AGBL1: variants seen among roughly 807,000 people sequenced by gnomAD.
The protein encoded by AGBL1 is cytosolic carboxypeptidase 4.
Under a neutral mutation model 118.9 loss-of-function variants are expected in AGBL1, and 130 were observed. That is an observed-to-expected ratio of 1.09 (90% CI 0.95 to 1.26). The LOEUF is 1.26. AGBL1 is among the 50% of genes most tolerant of loss of function. The probability of loss-of-function intolerance (pLI) is 0.00; values close to 1 mark genes in which losing one functional copy is unlikely to be tolerated. For synonymous variants in AGBL1, 555 were observed against 478.9 expected, an observed-to-expected ratio of 1.16 and a Z score of -2.08; for missense variants, 1,584 against 1,298.1, an observed-to-expected ratio of 1.22 and a Z score of -3.38.
chr15:86,461,724 G>T (rs1052287482), intron 18 of AGBL1, among the ~76,000 whole-genome samples: 1 of 152,090 alleles, frequency 6.6e-6, no homozygotes, highest in Non-Finnish European at 1.5e-5. Context: ...CATCAAATGT[G>T]CTTGCATTGA....
At chr15:86,895,872 T>G (rs2080118636) in intron 22 of AGBL1, among the ~76,000 whole-genome samples, 1 of 152,100 alleles carries the variant, frequency 6.6e-6, no homozygotes, top group Non-Finnish European at 1.5e-5. Flanking sequence ...TATTATGATG[T>G]ATTTACTTAT....
At chr15:86,584,335 T>C (rs1350631584) in intron 21 of AGBL1, among the ~76,000 whole-genome samples, 1 of 152,176 alleles carries the variant, frequency 6.6e-6, no homozygotes, top group Non-Finnish European at 1.5e-5. Context: ...ATTTAAATCT[T>C]TTAATCCGTC....
At chr15:86,723,099 T>A (rs1336526739) in intron 22 of AGBL1, among the ~76,000 whole-genome samples, 2 of 152,204 alleles carry the variant, frequency 1.3e-5, no homozygotes, top group Non-Finnish European at 2.9e-5. Flanking sequence ...AGTGTGGCAA[T>A]TCCTCAAGGA....
chr15:86,662,783 C>G (rs1289411393), intron 21 of AGBL1, among the ~76,000 whole-genome samples: 1 of 152,106 alleles, frequency 6.6e-6, no homozygotes, highest in Admixed American at 6.6e-5. Context: ...TTTGTATACC[C>G]CTGGACTTGA....
rs1555475581 is a variant in AGBL1 at position 86,380,277 on chromosome 15, C to CT, written c.2375-17076dup. On this transcript the variant is annotated intron_variant, in intron 17 of 22. Transcript: ENST00000614907. ...CCTCCCTTTCTTCCTTCCTTCCTTC[C>CT]TTTTTTTTTTTTTCTTTTTCTTTTT... Among the ~76,000 whole-genome samples, 331 of 82,468 alleles carry CT rather than the reference C, an allele frequency of 4.0e-3. 1 individual carries two copies. The highest frequency in any genetic ancestry group is 5.6e-3 in the Non-Finnish European group (256 of 45,594). 54.1% of individuals were successfully genotyped at this position (82,468 alleles called of 152,430 possible).
intron 18 of AGBL1, among the ~76,000 whole-genome samples, chr15:86,434,582 A>C (rs1031911152): frequency 6.6e-6 from 1 of 152,234 alleles, no homozygotes; most frequent in African/African-American, 2.4e-5. Flanking sequence ...GCTAATTAAC[A>C]TTCAAATTGA....
At chr15:86,366,931 G>A (rs550541580) in intron 17 of AGBL1, among the ~76,000 whole-genome samples, 4 of 152,298 alleles carry the variant, frequency 2.6e-5, no homozygotes, top group Admixed American at 6.5e-5. Context: ...CGACACCCGG[G>A]CTTGTGGACC....
chr15:86,261,526 C>T (rs922181944), intron 9 of AGBL1, among the ~76,000 whole-genome samples: 10 of 152,162 alleles, frequency 6.6e-5, no homozygotes, highest in African/African-American at 2.2e-4. Flanking sequence ...GAAATACAAA[C>T]ATTTATTTTC....
At position 86,104,137 on chromosome 15, in the gene AGBL1, A is replaced by G. The variant is rs147242169; in HGVS notation, c.51+24114A>G. On this transcript the variant is annotated intron_variant, in intron 1 of 22. Coordinates refer to ENST00000614907, the MANE Select transcript of AGBL1 (RefSeq NM_001386094.1). ...AGTGCTCAGGTGCCAATGGTGGTAA[A>G]TGGGGCAGGGTGAACCCAAGGCTCC... 2.8e-3 allele frequency among the ~76,000 whole-genome samples: 430 copies of G among 152,186 alleles called. 2 individuals carry two copies. The highest frequency in any genetic ancestry group is 0.01 in the African/African-American group (421 of 41,510).
intron 22 of AGBL1, among the ~76,000 whole-genome samples, chr15:86,731,672 A>T (rs569842793): frequency 1.5e-4 from 23 of 152,318 alleles, no homozygotes; most frequent in South Asian, 1.2e-3. Flanking sequence ...AGAAGCTATC[A>T]TTTTCACCTA....
chr15:86,497,458 A>G (rs547501258), intron 18 of AGBL1, among the ~76,000 whole-genome samples: 1 of 152,056 alleles, frequency 6.6e-6, no homozygotes, highest in Non-Finnish European at 1.5e-5. Context: ...TATAATTGCC[A>G]TTGCTTTGAA....
chr15:86,800,404 T>C (rs1483908597), intron 22 of AGBL1, among the ~76,000 whole-genome samples: 1 of 152,084 alleles, frequency 6.6e-6, no homozygotes, highest in East Asian at 1.9e-4. Flanking sequence ...ATAGTACATC[T>C]TAGAAGACAA....
At chr15:86,880,644 T>A (rs2079877623) in intron 22 of AGBL1, among the ~76,000 whole-genome samples, 1 of 152,094 alleles carries the variant, frequency 6.6e-6, no homozygotes, top group South Asian at 2.1e-4. Flanking sequence ...TGTGCATGTG[T>A]GTATGCATGT....
chr15:86,384,806 C>A (rs766996241), intron 17 of AGBL1, among the ~76,000 whole-genome samples: 4 of 151,898 alleles, frequency 2.6e-5, no homozygotes, highest in Admixed American at 1.3e-4. Context: ...AATAAGAAGG[C>A]GAGATTACCC....
At chr15:86,119,499 A>G (rs1897960761) in intron 1 of AGBL1, among the ~76,000 whole-genome samples, 1 of 152,184 alleles carries the variant, frequency 6.6e-6, no homozygotes, top group East Asian at 1.9e-4. Flanking sequence ...CAGATTCAAT[A>G]GTCGTGATAA....
At chr15:86,928,918 C>G (rs1055307472) in intron 23 of AGBL1, among the ~76,000 whole-genome samples, 1 of 151,978 alleles carries the variant, frequency 6.6e-6, no homozygotes, top group African/African-American at 2.4e-5. Flanking sequence ...ATTGAATTTA[C>G]CATTTAACCA....
At chr15:86,164,934 C>G (rs774017365) in intron 5 of AGBL1, among the ~76,000 whole-genome samples, 2 of 152,180 alleles carry the variant, frequency 1.3e-5, no homozygotes, top group Non-Finnish European at 2.9e-5. Flanking sequence ...TGCTCAAGAC[C>G]ATGCTGGTCT....
intron 18 of AGBL1, among the ~76,000 whole-genome samples, chr15:86,427,210 A>T (rs1336855246): frequency 6.6e-6 from 1 of 152,204 alleles, no homozygotes; most frequent in Non-Finnish European, 1.5e-5. Flanking sequence ...GGCAGGAGGG[A>T]AAAAGAGGAA....
At chr15:87,017,213 T>C (rs2081615719) in intron 24 of AGBL1, among the ~76,000 whole-genome samples, 2 of 151,840 alleles carry the variant, frequency 1.3e-5, no homozygotes, top group African/African-American at 4.9e-5. Flanking sequence ...CTGCCAACTC[T>C]GGAGAGTCTG....
Sources: gnomAD v4.1 joint callset for allele counts (sites outside exome capture counted in the v4.1 genomes callset) on GRCh38, gnomAD v4.1.1 for gene constraint, MANE v1.5 for transcripts, NCBI Gene and HGNC (gene_info 2026-07-23, HGNC 2026-07-21) for gene names.